The following DNAH6 variants were observed in gnomAD, a reference collection of about 807,000 sequenced individuals.
The protein encoded by DNAH6 is axonemal beta dynein heavy chain 6.
A neutral mutation model predicts 491.4 loss-of-function variants in DNAH6; 340 were observed. The observed-to-expected ratio is 0.69, with a 90% CI of 0.63 to 0.76. DNAH6 has a LOEUF of 0.76. DNAH6 is among the 30% of genes least tolerant of loss of function. DNAH6 has a pLI of 0.00. For missense variants in DNAH6, 4,443 were observed against 4,972.2 expected, an observed-to-expected ratio of 0.89 and a Z score of 3.20; for synonymous variants, 1,603 against 1,686.1, an observed-to-expected ratio of 0.95 and a Z score of 1.21.
chr2:84,806,943 A>G (rs866039525), intron 71 of DNAH6, among the ~76,000 whole-genome samples: 7 of 152,176 alleles, frequency 4.6e-5, no homozygotes, highest in Non-Finnish European at 7.4e-5. Flanking sequence ...ATCAATAAAT[A>G]TAAGATAGAG....
chr2:84,463,394 G>T, the DNAH6 span, among the ~76,000 whole-genome samples: 1 of 152,128 alleles, frequency 6.6e-6, no homozygotes, highest in African/African-American at 2.4e-5. Flanking sequence ...TTTAGTTGTT[G>T]GTTTTTGAAA....
At chr2:84,512,901 T>C (rs1285709570), upstream of DNAH6, among the ~76,000 whole-genome samples, 1 of 152,192 alleles carries the variant, frequency 6.6e-6, no homozygotes, top group Non-Finnish European at 1.5e-5. Context: ...TTATAGACAA[T>C]GTGTATTTGA....
At chr2:84,808,604 T>A (rs1679666850) in intron 72 of DNAH6, 62 bp downstream of exon 72, 3 of 1,507,086 alleles carry the variant, frequency 2.0e-6, no homozygotes, top group Admixed American at 4.0e-5. Context: ...AGTTGTATAA[T>A]ATGAAATTCT....
chr2:84,551,425 G>A (rs1679353879), intron 9 of DNAH6, among the ~76,000 whole-genome samples: 1 of 152,084 alleles, frequency 6.6e-6, no homozygotes, highest in Non-Finnish European at 1.5e-5. Flanking sequence ...TTTCCTTACT[G>A]CTTTATCCCT....
At chr2:84,757,003 T>C (rs1219791410) in intron 63 of DNAH6, among the ~76,000 whole-genome samples, 2 of 152,098 alleles carry the variant, frequency 1.3e-5, no homozygotes, top group African/African-American at 2.4e-5. Context: ...AGGGAAGAGA[T>C]TGACCATTCT....
chr2:84,739,323 C>T (rs1185113422), intron 62 of DNAH6, among the ~76,000 whole-genome samples: 2 of 152,138 alleles, frequency 1.3e-5, no homozygotes, highest in African/African-American at 2.4e-5. Flanking sequence ...CCAAGTGTGT[C>T]TTGGGAATTG....
intron 18 of DNAH6, among the ~76,000 whole-genome samples, chr2:84,599,774 G>A (rs960382404): frequency 2.0e-5 from 3 of 152,138 alleles, no homozygotes; most frequent in Admixed American, 6.5e-5. Context: ...TAGCTAGTAA[G>A]TGTTGAAATC....
At chr2:84,477,755 G>A in the DNAH6 span, among the ~76,000 whole-genome samples, 11 of 152,210 alleles carry the variant, frequency 7.2e-5, no homozygotes, top group African/African-American at 2.4e-4. Flanking sequence ...TTTGTGAGGA[G>A]AGAGTGAAAG....
In DNAH6 at chr2:84,727,816, C is replaced by T; in HGVS notation, c.10120C>T (p.Leu3374Phe). 1 of 1,551,872 alleles carries T rather than the reference C, an allele frequency of 6.4e-7. No homozygotes were observed. Among genetic ancestry groups the T allele is most frequent in the Non-Finnish European group, 8.7e-7 (1 of 1,146,892 alleles). ...EQHKLIYSFM[L>F]CVEMMRQQGT... Reference sequence around the variant, plus strand: ...ACATAAACTCATCTACAGCTTTATGCTTTGTGTTGAGATGATGCGTCAGCA... The same window carrying T: ...ACATAAACTCATCTACAGCTTTATGTTTTGTGTTGAGATGATGCGTCAGCA... The change falls in exon 61 of 77, where the codon CTT becomes TTT. Residue 3374 changes from leucine to phenylalanine, a missense_variant. Around this residue, in one of 3 missense-constraint regions of DNAH6, gnomAD observed 1,463 missense variants for 1,656.6 expected, o/e 0.88. Transcript: ENST00000389394.
At chr2:84,564,284 G>A (rs144789036) in intron 11 of DNAH6, among the ~76,000 whole-genome samples, 1 of 152,192 alleles carries the variant, frequency 6.6e-6, no homozygotes, top group East Asian at 1.9e-4. Context: ...AATTGCTTTG[G>A]GCATTATGGC....
intron 11 of DNAH6, among the ~76,000 whole-genome samples, chr2:84,558,422 T>TA (rs78113898): frequency 0.016 from 1,722 of 108,910 alleles, 21 homozygotes; most frequent in African/African-American, 0.041. Context: ...AGACTCCATC[T>TA]AAAAAAAAAA....
At chr2:84,676,093 G>C (rs1693212342) in intron 40 of DNAH6, among the ~76,000 whole-genome samples, 1 of 149,480 alleles carries the variant, frequency 6.7e-6, no homozygotes, top group Admixed American at 6.7e-5. Context: ...CATGTTTGAA[G>C]ATTCTCATGC....
At chr2:84,802,062 C>T (rs1678976081) in intron 70 of DNAH6, among the ~76,000 whole-genome samples, 1 of 152,066 alleles carries the variant, frequency 6.6e-6, no homozygotes, top group Non-Finnish European at 1.5e-5. Flanking sequence ...TTAAGGGAAT[C>T]CTAAACATAG....
Position 84,755,749 on chromosome 2 carries a change from C to T in DNAH6, c.10513-7006C>T, listed in dbSNP as rs148654341. Reference sequence around the variant, plus strand: ...CTTAGAAGAAAAGCATTCAGTCTTTCATCATTAACCATGATGTTAGCTGTC... The same window carrying T: ...CTTAGAAGAAAAGCATTCAGTCTTTTATCATTAACCATGATGTTAGCTGTC... On this transcript the variant is annotated intron_variant, in intron 63 of 76. Coordinates refer to ENST00000389394, the MANE Select transcript of DNAH6 (RefSeq NM_001370.2). Among the ~76,000 whole-genome samples, 1,089 of 152,256 alleles carry T rather than the reference C, an allele frequency of 7.2e-3. 12 individuals carry two copies. Among genetic ancestry groups the T allele is most frequent in the African/African-American group, 0.024 (1,005 of 41,536 alleles).
intron 70 of DNAH6, among the ~76,000 whole-genome samples, chr2:84,803,489 C>T (rs562713645): frequency 6.6e-6 from 1 of 151,904 alleles, no homozygotes; most frequent in South Asian, 2.1e-4. Flanking sequence ...CAAATCAAAA[C>T]ATTTTTGAAA....
intron 2 of DNAH6, among the ~76,000 whole-genome samples, chr2:84,524,549 G>A (rs183378507): frequency 1.8e-3 from 274 of 152,090 alleles, no homozygotes; most frequent in African/African-American, 6.4e-3. Context: ...ATATACTTAA[G>A]TGTGTTTTTG....
chr2:84,552,276 G>A (rs576706064), intron 9 of DNAH6, among the ~76,000 whole-genome samples: 1 of 152,190 alleles, frequency 6.6e-6, no homozygotes, highest in East Asian at 1.9e-4. Flanking sequence ...AGTATGATCT[G>A]GATGAAACAT....
intron 70 of DNAH6, among the ~76,000 whole-genome samples, chr2:84,801,446 C>T (rs1170782534): frequency 6.6e-6 from 1 of 151,818 alleles, no homozygotes; most frequent in Non-Finnish European, 1.5e-5. Flanking sequence ...TTTCCAAGGT[C>T]AAATCAAAGA....
chr2:84,678,097 T>C (rs1358866585), intron 41 of DNAH6, among the ~76,000 whole-genome samples: 1 of 152,216 alleles, frequency 6.6e-6, no homozygotes. Flanking sequence ...CTTCAGTACA[T>C]GGAAAGGAAT....
Sources: allele counts gnomAD v4.1 joint callset (sites outside exome capture counted in the v4.1 genomes callset), GRCh38; gene constraint gnomAD v4.1.1; regional missense constraint gnomAD v4.1.1; transcripts MANE v1.5; gene names NCBI Gene and HGNC (gene_info 2026-07-23, HGNC 2026-07-21).